PLCL2: variants seen among roughly 807,000 people sequenced by gnomAD.
PLCL2 encodes phospholipase C like 2, also known as inactive phospholipase C-like protein 2.
PLCL2 carries 4 observed loss-of-function variants against 79.6 expected under a neutral mutation model. The ratio of observed to expected loss-of-function variants is 0.05; its 90% CI spans 0.02 to 0.11. PLCL2 has a LOEUF of 0.11. Ranked by LOEUF, PLCL2 falls within the 10% of genes least tolerant of loss-of-function variation. PLCL2 has a pLI of 1.00. For missense variants in PLCL2, 895 were observed against 1,291.0 expected (o/e 0.69, Z 4.70); for synonymous variants, 484 against 457.7 (o/e 1.06, Z -0.73).
chr3:16,941,791 TAGAAG>T (rs2063550236), intron 1 of PLCL2, among the ~76,000 whole-genome samples: 1 of 151,970 alleles, frequency 6.6e-6, no homozygotes, highest in Non-Finnish European at 1.5e-5. Context: ...CAGAATAGAC[TAGAAG>T]AGAAAATGCT....
intron 1 of PLCL2, among the ~76,000 whole-genome samples, chr3:16,941,183 A>G (rs1276001473): frequency 2.0e-5 from 3 of 152,180 alleles, no homozygotes; most frequent in African/African-American, 7.2e-5. Flanking sequence ...CTGTATGCTC[A>G]TGACTGTCAC....
At chr3:17,079,554 C>G (rs2065141579) in intron 5 of PLCL2, among the ~76,000 whole-genome samples, 1 of 152,152 alleles carries the variant, frequency 6.6e-6, no homozygotes, top group Non-Finnish European at 1.5e-5. Flanking sequence ...GAGTCACGGT[C>G]ACTCCTCTGT....
At chr3:17,038,106 A>T (rs771305867) in intron 3 of PLCL2, among the ~76,000 whole-genome samples, 2 of 152,146 alleles carry the variant, frequency 1.3e-5, no homozygotes, top group Non-Finnish European at 2.9e-5. Context: ...CCTGCTTTTC[A>T]TCTGCTCAAA....
intron 1 of PLCL2, among the ~76,000 whole-genome samples, chr3:16,971,625 T>C (rs951480845): frequency 3.3e-5 from 5 of 152,224 alleles, no homozygotes; most frequent in Non-Finnish European, 5.9e-5. Flanking sequence ...ACTGAATCTA[T>C]AAATTACCTT....
At chr3:16,986,821 G>A (rs757897003) in intron 1 of PLCL2, among the ~76,000 whole-genome samples, 10 of 152,068 alleles carry the variant, frequency 6.6e-5, no homozygotes, top group Non-Finnish European at 1.2e-4. Context: ...TTAGAGAAAC[G>A]TAGGATGGGG....
At chr3:17,078,137 G>A (rs535013071) in intron 5 of PLCL2, among the ~76,000 whole-genome samples, 1 of 152,260 alleles carries the variant, frequency 6.6e-6, no homozygotes, top group African/African-American at 2.4e-5. Context: ...AGTGTCCTTG[G>A]ATCAGGTTCT....
chr3:17,030,822 G>A (rs868741037), intron 3 of PLCL2, among the ~76,000 whole-genome samples: 2 of 152,296 alleles, frequency 1.3e-5, no homozygotes, highest in Middle Eastern at 6.8e-3. Context: ...AGACTTGAGA[G>A]AAACTAATGA....
At chr3:17,002,711 A>G (rs2064222870) in intron 1 of PLCL2, among the ~76,000 whole-genome samples, 1 of 152,130 alleles carries the variant, frequency 6.6e-6, no homozygotes, top group Non-Finnish European at 1.5e-5. Context: ...TGTTTTTCCT[A>G]CAGGGACTTT....
At chr3:17,088,112 C>T (rs2065239558) in intron 5 of PLCL2, among the ~76,000 whole-genome samples, 1 of 152,144 alleles carries the variant, frequency 6.6e-6, no homozygotes, top group African/African-American at 2.4e-5. Flanking sequence ...AGCAGGAAAA[C>T]CATGCATGGT....
At chr3:17,086,791 A>T (rs2065224454) in intron 5 of PLCL2, among the ~76,000 whole-genome samples, 1 of 152,160 alleles carries the variant, frequency 6.6e-6, no homozygotes, top group African/African-American at 2.4e-5. Flanking sequence ...AAGAGCTCTT[A>T]AAAAATGCAA....
chr3:16,926,529 GATAA>G (rs1697253294), intron 1 of PLCL2, among the ~76,000 whole-genome samples: 2 of 152,144 alleles, frequency 1.3e-5, no homozygotes, highest in African/African-American at 4.8e-5. Context: ...TTTTTTGAAA[GATAA>G]ATAATGTCTT....
In PLCL2 at chr3:16,887,524, G is replaced by A. The variant is rs1372258533; in HGVS notation, c.327+2158G>A. Among the ~76,000 whole-genome samples, 1 of 152,184 alleles carries A rather than the reference G, an allele frequency of 6.6e-6. No individual in the cohort carries two copies. The highest frequency in any genetic ancestry group is 1.5e-5 in the Non-Finnish European group (1 of 68,036). On this transcript the variant is annotated intron_variant, in intron 1 of 5. Transcript: ENST00000615277. This position sits in a 1 kb window ranked among gnomAD's most constrained non-coding sequence, Gnocchi z 4.1. ...TTTCTTAAAACTTTCGAAAATTATG[G>A]AAGTAGTGTTGAAAGTTGATCAATA... is the stretch of plus-strand genomic sequence containing the variant.
chr3:17,060,126 G>C lies in PLCL2; in HGVS notation c.3095-7830G>C, dbSNP rs186914548. On this transcript the variant is annotated intron_variant, in intron 4 of 5. Transcript: ENST00000615277. ...GTATTATCCCACCCAGGTGAGTCAC[G>C]TGGTTGTGTGTTTAGAATGGTGGCA... is the stretch of plus-strand genomic sequence containing the variant. 1.1e-3 allele frequency among the ~76,000 whole-genome samples: 163 copies of C among 152,296 alleles called. 1 individual carries two copies. Among genetic ancestry groups the C allele is most frequent in the Non-Finnish European group, 1.8e-3 (124 of 68,030 alleles).
At chr3:17,033,961 T>C (rs2064614147) in intron 3 of PLCL2, among the ~76,000 whole-genome samples, 1 of 152,206 alleles carries the variant, frequency 6.6e-6, no homozygotes, top group Non-Finnish European at 1.5e-5. Context: ...TGCACAATTT[T>C]GTATAGTGAG....
Position 16,904,747 on chromosome 3 carries a change from TG to T in PLCL2, c.327+19386del, listed in dbSNP as rs1181486362. 2.6e-5 allele frequency among the ~76,000 whole-genome samples: 4 copies of T among 152,028 alleles called. No homozygotes were observed. The East Asian group carries it at 7.7e-4, about 29-fold the overall frequency. On this transcript the variant is annotated intron_variant, in intron 1 of 5. Coordinates refer to ENST00000615277, the MANE Select transcript of PLCL2 (RefSeq NM_001144382.2). ...GACCTGGTGGGAGGTAATTGAATCATGGGGGCGGTTACCTCCATGCTGTTCT... is the reference window on the plus strand; with the variant it reads ...GACCTGGTGGGAGGTAATTGAATCATGGGGCGGTTACCTCCATGCTGTTCT...
intron 1 of PLCL2, among the ~76,000 whole-genome samples, chr3:16,949,741 C>G (rs2063634083): frequency 6.6e-6 from 1 of 152,164 alleles, no homozygotes. Flanking sequence ...CTGGGGCACG[C>G]AAGTAATGTA....
At chr3:16,962,755 C>T (rs183784962) in intron 1 of PLCL2, among the ~76,000 whole-genome samples, 13 of 152,096 alleles carry the variant, frequency 8.5e-5, no homozygotes, top group Admixed American at 5.2e-4. Flanking sequence ...GAAAAATTAA[C>T]GAATAAAAGA....
At chr3:16,962,803 C>G (rs959850001) in intron 1 of PLCL2, among the ~76,000 whole-genome samples, 13 of 152,150 alleles carry the variant, frequency 8.5e-5, no homozygotes, top group African/African-American at 3.1e-4. Flanking sequence ...AAATCTCCTT[C>G]TTATTCCTAA....
At chr3:16,993,433 G>T (rs945490302) in intron 1 of PLCL2, among the ~76,000 whole-genome samples, 1 of 152,102 alleles carries the variant, frequency 6.6e-6, no homozygotes, top group Admixed American at 6.6e-5. Flanking sequence ...CTCTCCAAAG[G>T]TCTCCTCTCT....
Sources: gnomAD v4.1 joint callset for allele counts (sites outside exome capture counted in the v4.1 genomes callset) on GRCh38, gnomAD v4.1.1 for gene constraint, Gnocchi (gnomAD v3.1) non-coding constraint, MANE v1.5 for transcripts, NCBI Gene and HGNC (gene_info 2026-07-23, HGNC 2026-07-21) for gene names.